Variants in PI4K2B observed in about 807,000 individuals in gnomAD.
PI4K2B encodes the protein phosphatidylinositol 4-kinase type 2 beta, also known as phosphatidylinositol 4-kinase type 2-beta.
PI4K2B carries 46 observed loss-of-function variants against 56.6 expected under a neutral mutation model. The ratio of observed to expected loss-of-function variants is 0.81; its 90% CI spans 0.64 to 1.04. The LOEUF (loss-of-function observed/expected upper bound fraction) is 1.04. PI4K2B is among the 50% of genes least tolerant of loss of function. The probability of loss-of-function intolerance (pLI) is 0.00; values close to 1 mark genes in which losing one functional copy is unlikely to be tolerated. For missense variants in PI4K2B, 556 were observed against 607.7 expected (o/e 0.91, Z 0.89); for synonymous variants, 211 against 223.8 (o/e 0.94, Z 0.51).
chr4:25,238,296 G>A (rs1715354112), intron 1 of PI4K2B, among the ~76,000 whole-genome samples: 1 of 152,194 alleles, frequency 6.6e-6, no homozygotes, highest in Non-Finnish European at 1.5e-5. Context: ...CAGACAAAGG[G>A]TAGCCTGTCA....
intron 1 of PI4K2B, among the ~76,000 whole-genome samples, chr4:25,245,212 C>A (rs1715705575): frequency 6.6e-6 from 1 of 151,860 alleles, no homozygotes; most frequent in African/African-American, 2.4e-5. Flanking sequence ...AGCCTGGGTG[C>A]CTAAAGAAGG....
chr4:25,245,382 A>C (rs958386396), intron 1 of PI4K2B, among the ~76,000 whole-genome samples: 2 of 152,152 alleles, frequency 1.3e-5, no homozygotes, highest in Admixed American at 6.5e-5. Flanking sequence ...GATAGATAGG[A>C]TAGATGGGCA....
chr4:25,245,408 A>T (rs890906600), intron 1 of PI4K2B, among the ~76,000 whole-genome samples: 13 of 152,276 alleles, frequency 8.5e-5, no homozygotes, highest in Non-Finnish European at 1.3e-4. Context: ...CGCTTGGGTG[A>T]CATGCCTTGG....
chr4:25,238,234 A>G (rs189869430), intron 1 of PI4K2B, among the ~76,000 whole-genome samples: 27 of 152,340 alleles, frequency 1.8e-4, no homozygotes, highest in African/African-American at 6.5e-4. Flanking sequence ...GAGAAACACA[A>G]TCATGTGGTC....
chr4:25,243,153 AATAGTTAAAC>A (rs1295025494), intron 1 of PI4K2B, among the ~76,000 whole-genome samples: 1 of 152,198 alleles, frequency 6.6e-6, no homozygotes, highest in Non-Finnish European at 1.5e-5. Context: ...CCTGGCCCTC[AATAGTTAAAC>A]ATACCCAGGG....
chr4:25,240,445 A>G (rs1334047380), intron 1 of PI4K2B, among the ~76,000 whole-genome samples: 1 of 152,178 alleles, frequency 6.6e-6, no homozygotes, highest in Admixed American at 6.5e-5. Flanking sequence ...TAAACTGGCT[A>G]TTCTGGTTCC....
rs1210548837 is a variant in PI4K2B at position 25,234,397 on chromosome 4, C to T, written c.234C>T (p.Ser78=). 53 of 1,392,404 alleles carry T rather than the reference C, an allele frequency of 3.8e-5. No homozygotes were observed. Among genetic ancestry groups the T allele is most frequent in the Non-Finnish European group, 4.7e-5 (50 of 1,072,188 alleles). 86.3% of individuals were successfully genotyped at this position (1,392,404 alleles called of 1,614,324 possible). The change falls in exon 1 of 10, where the codon TCC becomes TCT. Residue 78 remains serine (S), a synonymous_variant. Coordinates refer to ENST00000264864, the MANE Select transcript of PI4K2B (RefSeq NM_018323.4). ...PGDVGVSRSS[S]AELDRSRPAV... The stretch of plus-strand genomic sequence containing the variant: ...ACGTGGGGGTCTCCCGGAGTTCGTC[C>T]GCCGAGCTGGACCGGAGCCGCCCCG...
chr4:25,270,642 A>G (rs530107778), intron 9 of PI4K2B, among the ~76,000 whole-genome samples: 2 of 152,214 alleles, frequency 1.3e-5, no homozygotes, highest in South Asian at 4.1e-4. Flanking sequence ...CACCGTGCCC[A>G]GCCCCTCCTC....
chr4:25,255,327 T>C (rs555109330), intron 3 of PI4K2B, 62 bp downstream of exon 3: 1 of 1,374,480 alleles, frequency 7.3e-7, no homozygotes, highest in African/African-American at 1.4e-5. Flanking sequence ...TATCTGAATA[T>C]TTCAGTAATT....
intron 7 of PI4K2B, among the ~76,000 whole-genome samples, chr4:25,266,035 T>A (rs1716652805): frequency 6.6e-6 from 1 of 152,156 alleles, no homozygotes. Flanking sequence ...CTTCTTTTTT[T>A]TTTTTAATCA....
intron 1 of PI4K2B, among the ~76,000 whole-genome samples, chr4:25,242,361 C>A (rs183861357): frequency 6.6e-6 from 1 of 152,352 alleles, no homozygotes; most frequent in African/African-American, 2.4e-5. Context: ...GAGGGCTATC[C>A]CTAAACCCCT....
intron 1 of PI4K2B, among the ~76,000 whole-genome samples, chr4:25,242,814 G>A (rs1715582489): frequency 6.6e-6 from 1 of 152,178 alleles, no homozygotes; most frequent in Non-Finnish European, 1.5e-5. Flanking sequence ...CCCTTCGAAA[G>A]TGTCCTTCCA....
At chr4:25,250,839 G>T (rs1302891536) in intron 1 of PI4K2B, among the ~76,000 whole-genome samples, 1 of 152,174 alleles carries the variant, frequency 6.6e-6, no homozygotes, top group East Asian at 1.9e-4. Context: ...GGCAAGAGGT[G>T]GTTGGATTCT....
At chr4:25,235,830 A>C (rs1358553579) in intron 1 of PI4K2B, among the ~76,000 whole-genome samples, 3 of 152,194 alleles carry the variant, frequency 2.0e-5, no homozygotes, top group Non-Finnish European at 4.4e-5. Flanking sequence ...GGTGTTTTAT[A>C]AACAAACAGT....
At chr4:25,271,383 G>A (rs2109025159) in intron 9 of PI4K2B, among the ~76,000 whole-genome samples, 1 of 152,344 alleles carries the variant, frequency 6.6e-6, no homozygotes, top group East Asian at 1.9e-4. Context: ...TGCATTTTGG[G>A]TGTGAGAGAA....
chr4:25,278,652 A>G lies in PI4K2B; in HGVS notation c.*1465A>G, dbSNP rs1437040186. On this transcript the variant is annotated 3_prime_UTR_variant, in exon 10 of 10. Coordinates refer to ENST00000264864, the MANE Select transcript of PI4K2B (RefSeq NM_018323.4). ...CCTCCATTAGCTCAATTTTGAGATA[A>G]TGGAAAATTGACTGGAAATTCAAAA... 6.6e-6 allele frequency: 1 copy of G among 152,616 alleles called. No individual in the cohort carries two copies. Among genetic ancestry groups the G allele is most frequent in the Non-Finnish European group, 1.5e-5 (1 of 68,032 alleles). 9.5% of individuals were successfully genotyped at this position (152,616 alleles called of 1,614,324 possible).
intron 5 of PI4K2B, among the ~76,000 whole-genome samples, 190 bp from the exon 6 acceptor site, chr4:25,260,334 A>G (rs1371718110): frequency 6.6e-6 from 1 of 151,752 alleles, no homozygotes; most frequent in Non-Finnish European, 1.5e-5. Flanking sequence ...AAAATATTCA[A>G]TAAATGTTAG....
chr4:25,271,911 G>C (rs971378580), intron 9 of PI4K2B, among the ~76,000 whole-genome samples: 1 of 152,214 alleles, frequency 6.6e-6, no homozygotes, highest in Non-Finnish European at 1.5e-5. Context: ...GAGAGGCAGA[G>C]GAGGGCAGAT....
chr4:25,263,127 C>G (rs1421230861), intron 6 of PI4K2B, among the ~76,000 whole-genome samples: 1 of 152,106 alleles, frequency 6.6e-6, no homozygotes, highest in Non-Finnish European at 1.5e-5. Context: ...GCAGAAACTG[C>G]CCCCATGATC....
Sources: gnomAD v4.1 joint callset for allele counts (sites outside exome capture counted in the v4.1 genomes callset) on GRCh38, gnomAD v4.1.1 for gene constraint, MANE v1.5 for transcripts, NCBI Gene and HGNC (gene_info 2026-07-23, HGNC 2026-07-21) for gene names.